SNX8: variants seen among roughly 807,000 people sequenced by gnomAD.
The protein encoded by SNX8 is sorting nexin 8, also known as sorting nexin-8.
Under a neutral mutation model 51.6 loss-of-function variants are expected in SNX8, and 25 were observed. That is an observed-to-expected ratio of 0.48 (90% CI 0.35 to 0.68). The LOEUF (loss-of-function observed/expected upper bound fraction) is 0.68. Ranked by LOEUF, SNX8 falls within the 30% of genes least tolerant of loss-of-function variation. The pLI, the probability that SNX8 is intolerant of heterozygous loss-of-function variation, is 0.00. For synonymous variants in SNX8, 324 were observed against 277.0 expected (o/e 1.17, Z -1.68); for missense variants, 695 against 624.0 (o/e 1.11, Z -1.21).
At chr7:2,273,114 A>G (rs977079581) in intron 3 of SNX8, among the ~76,000 whole-genome samples, 6 of 151,642 alleles carry the variant, frequency 4.0e-5, no homozygotes, top group African/African-American at 1.2e-4. Flanking sequence ...GATTACAGGC[A>G]TGAGCCACCA....
At chr7:2,272,405 G>A (rs1219209328) in intron 3 of SNX8, among the ~76,000 whole-genome samples, 2 of 147,038 alleles carry the variant, frequency 1.4e-5, no homozygotes, top group Non-Finnish European at 3.0e-5. Flanking sequence ...ACAGAGTTTC[G>A]CTCCTGTTGC....
At chr7:2,281,807 C>A (rs2115145186) in intron 1 of SNX8, among the ~76,000 whole-genome samples, 1 of 152,312 alleles carries the variant, frequency 6.6e-6, no homozygotes, top group South Asian at 2.1e-4. Flanking sequence ...GCAGCCGCCT[C>A]TGAGCTTACT....
chr7:2,254,682 C>A lies in SNX8; in HGVS notation c.*374G>T. The stretch of plus-strand genomic sequence containing the variant: ...CCTCTCTCCTCGGCTGACCGAGCAC[C>A]ATGATGCTGCCCCTCCCGACTGTTC... On this transcript the variant is annotated 3_prime_UTR_variant, in exon 11 of 11. Transcript: ENST00000222990. 3.5e-6 allele frequency: 1 copy of A among 286,024 alleles called. No homozygotes were observed. Among genetic ancestry groups the A allele is most frequent in the Non-Finnish European group, 6.7e-6 (1 of 148,592 alleles). The allele number at this position is 286,024 out of a possible 1,614,324, so 17.7% of individuals were successfully genotyped here. A position where few individuals can be genotyped will look rare whatever the true frequency, so the allele number is the denominator to read the frequency against.
chr7:2,267,337 C>G, intron 5 of SNX8, among the ~76,000 whole-genome samples: 1 of 144,214 alleles, frequency 6.9e-6, no homozygotes, highest in African/African-American at 2.6e-5. Flanking sequence ...TCCCCCTCTC[C>G]CTCTCCCTCA....
chr7:2,344,658 C>G (rs186677878), intron 1 of SNX8, among the ~76,000 whole-genome samples: 1 of 151,724 alleles, frequency 6.6e-6, no homozygotes, highest in Non-Finnish European at 1.5e-5. Context: ...GTGGCTCACA[C>G]CTGTAATCCC....
chr7:2,317,813 A>G (rs1228103827), upstream of SNX8, among the ~76,000 whole-genome samples: 1 of 152,076 alleles, frequency 6.6e-6, no homozygotes, highest in African/African-American at 2.4e-5. Flanking sequence ...TCTCTCCACC[A>G]TAACCTGGGA....
At chr7:2,351,878 T>G (rs1315021144) in intron 1 of SNX8, among the ~76,000 whole-genome samples, 1 of 147,430 alleles carries the variant, frequency 6.8e-6, no homozygotes, top group African/African-American at 2.5e-5. Context: ...AAACAAAAAA[T>G]CGAGTAAGTT....
rs760878377 is a variant in SNX8 at position 2,257,792 on chromosome 7, T to C, written c.927A>G (p.Glu309=). The C allele has an allele frequency of 1.6e-5, 26 of 1,614,016 alleles. No individual in the cohort carries two copies. Among genetic ancestry groups the C allele is most frequent in the Non-Finnish European group, 2.2e-5 (26 of 1,179,994 alleles). ...TCAGCTTCTCCACCACGTCGTTCTC[T>C]TCCTGCTTACCCTGGAAGGCGAGGG... ...ADKAAQQGKQ[E]ENDVVEKLNL... The change falls in exon 8 of 11, where the codon GAA becomes GAG. Residue 309 remains glutamate (E), a synonymous_variant. Transcript: ENST00000222990.
At chr7:2,311,562 G>T (rs1455037753) in intron 1 of SNX8, among the ~76,000 whole-genome samples, 2 of 152,020 alleles carry the variant, frequency 1.3e-5, no homozygotes, top group African/African-American at 4.8e-5. Context: ...ACCCAATCAG[G>T]GTCCCCATCA....
At position 2,257,095 on chromosome 7, in the gene SNX8, G is replaced by A. The variant is rs116673820; in HGVS notation, c.1135-72C>T. 2.9e-3 allele frequency: 4,356 copies of A among 1,483,554 alleles called. 88 individuals carry two copies. The African/African-American group carries it at 0.05, about 17-fold the overall frequency. The allele number at this position is 1,483,554 out of a possible 1,614,324, so 91.9% of individuals were successfully genotyped here. Reference sequence around the variant, plus strand: ...GGAGCACCAAGGCCCGAACACCAGCGTGCTCCCTGAGCCAGGGCGGCCCCT... The same window carrying A: ...GGAGCACCAAGGCCCGAACACCAGCATGCTCCCTGAGCCAGGGCGGCCCCT... On this transcript the variant is annotated intron_variant, in intron 9 of 10. Transcript: ENST00000222990.
intron 1 of SNX8, among the ~76,000 whole-genome samples, chr7:2,304,121 T>G (rs909014598): frequency 6.8e-6 from 1 of 147,202 alleles, no homozygotes; most frequent in East Asian, 2.0e-4. Context: ...GAGCCGAGAC[T>G]GTGCCACTGC....
chr7:2,318,173 G>C (rs962965253), upstream of SNX8, among the ~76,000 whole-genome samples: 8 of 152,088 alleles, frequency 5.3e-5, no homozygotes, highest in Non-Finnish European at 1.2e-4. Context: ...AGCCTCCCAA[G>C]TAGCTGGGAC....
In SNX8 at chr7:2,296,788, G is replaced by A. The variant is rs184618303; in HGVS notation, c.94+17540C>T. The stretch of plus-strand genomic sequence containing the variant: ...TCTACAAAAATACAAAAATTAGCCA[G>A]GCATGGTGGCGGACACCTGTAATCC... On this transcript the variant is annotated intron_variant, in intron 1 of 10. Transcript: ENST00000222990. Among the ~76,000 whole-genome samples, 605 of 151,908 alleles carry A rather than the reference G, an allele frequency of 4.0e-3. 8 individuals are homozygous for A. The highest frequency in any genetic ancestry group is 0.014 in the African/African-American group (560 of 41,270).
intron 1 of SNX8, among the ~76,000 whole-genome samples, chr7:2,290,861 A>G (rs4721548): frequency 0.35 from 53,403 of 152,108 alleles, 10,712 homozygotes; most frequent in East Asian, 0.6. Flanking sequence ...CTCAGCTACA[A>G]CCTTTTCCCC....
intron 1 of SNX8, among the ~76,000 whole-genome samples, chr7:2,335,221 C>T (rs1778805688): frequency 6.6e-6 from 1 of 151,748 alleles, no homozygotes; most frequent in African/African-American, 2.4e-5. Context: ...AAAAAAATAG[C>T]CAGATGTTGG....
chr7:2,265,511 G>T (rs1225264974), intron 5 of SNX8, among the ~76,000 whole-genome samples: 5 of 151,710 alleles, frequency 3.3e-5, no homozygotes, highest in Non-Finnish European at 2.9e-5. Context: ...CAGGCGTGGT[G>T]GAGCGCCTGT....
chr7:2,275,166 G>A lies in SNX8; in HGVS notation c.364C>T (p.His122Tyr), dbSNP rs180929613. Residue 122 changes from histidine (H) to tyrosine (Y), a missense_variant, in exon 3 of 11, where the codon CAC becomes TAC. Physicochemically the swap from His to Tyr is moderately conservative, Grantham distance 83. Coordinates refer to ENST00000222990, the MANE Select transcript of SNX8 (RefSeq NM_013321.4). ...GGCACCATACGGTAGGGGAACTTGT[G>A]CAGGAGCATCTCCTGGAAGACCACG... ...DFVVFQEMLL[H>Y]KFPYRMVPAL... The A allele has an allele frequency of 1.2e-6, 2 of 1,614,160 alleles. No homozygotes were observed. Among genetic ancestry groups the A allele is most frequent in the East Asian group, 4.5e-5 (2 of 44,882 alleles).
intron 1 of SNX8, among the ~76,000 whole-genome samples, chr7:2,293,218 G>A (rs555446344): frequency 6.8e-6 from 1 of 147,968 alleles, no homozygotes; most frequent in East Asian, 2.1e-4. Flanking sequence ...AAGCTTAAGT[G>A]ATCCACCCAC....
intron 1 of SNX8, among the ~76,000 whole-genome samples, chr7:2,294,178 G>A (rs571621455): frequency 7.3e-5 from 11 of 151,214 alleles, no homozygotes; most frequent in African/African-American, 1.9e-4. Flanking sequence ...CCAGAGAATC[G>A]TTTGAACCTG....
Sources: gnomAD v4.1 joint callset for allele counts (sites outside exome capture counted in the v4.1 genomes callset) on GRCh38, gnomAD v4.1.1 for gene constraint, MANE v1.5 for transcripts, NCBI Gene and HGNC (gene_info 2026-07-23, HGNC 2026-07-21) for gene names.